The following CSMD2 variants were observed in gnomAD, a reference collection of about 807,000 sequenced individuals.
CSMD2 encodes the protein CUB and Sushi multiple domains 2.
Under a neutral mutation model 398.5 loss-of-function variants are expected in CSMD2, and 130 were observed. The observed-to-expected ratio is 0.33, with a 90% CI of 0.28 to 0.38. CSMD2 has a LOEUF of 0.38. CSMD2 is among the 10% of genes least tolerant of loss of function. The pLI, the probability that CSMD2 is intolerant of heterozygous loss-of-function variation, is 1.00. For synonymous variants in CSMD2, 1,828 were observed against 1,908.5 expected (o/e 0.96, Z 1.10); for missense variants, 3,829 against 4,764.9 (o/e 0.80, Z 5.78).
At chr1:34,035,589 G>A (rs1252982376) in intron 2 of CSMD2, among the ~76,000 whole-genome samples, 1 of 151,902 alleles carries the variant, frequency 6.6e-6, no homozygotes, top group African/African-American at 2.4e-5. Context: ...ATATTAACAG[G>A]TTAAAGGTAG....
intron 1 of CSMD2, among the ~76,000 whole-genome samples, chr1:34,112,640 A>G (rs1466508069): frequency 6.6e-6 from 1 of 152,206 alleles, no homozygotes; most frequent in African/African-American, 2.4e-5. Context: ...CTTGAGAAAA[A>G]TCAAAAGTAT....
chr1:33,667,630 A>G (rs1479667393), intron 25 of CSMD2, among the ~76,000 whole-genome samples: 1 of 152,172 alleles, frequency 6.6e-6, no homozygotes, highest in African/African-American at 2.4e-5. Flanking sequence ...TTTATATGTG[A>G]GTCATACGTA....
At chr1:34,046,764 T>C (rs867103099) in intron 2 of CSMD2, among the ~76,000 whole-genome samples, 3 of 152,218 alleles carry the variant, frequency 2.0e-5, no homozygotes, top group African/African-American at 4.8e-5. Flanking sequence ...TTGTATGCCC[T>C]ATTAAACGCT....
chr1:33,686,554 T>C lies in CSMD2; in HGVS notation c.4052+6376A>G, dbSNP rs563834178. Among the ~76,000 whole-genome samples, 8 of 152,352 alleles carry C rather than the reference T, an allele frequency of 5.3e-5. No individual in the cohort carries two copies. In the South Asian group the frequency reaches 1.5e-3, roughly 28 times the overall value. ...ATCCAGGCAGGACCCATTTTCCAGC[T>C]TGGACCACACCCAAGGGTAAGCCTG... is the stretch of plus-strand genomic sequence containing the variant. On this transcript the variant is annotated intron_variant, in intron 25 of 70. Transcript: ENST00000373381.
chr1:33,534,312 T>C (rs1209368102), intron 62 of CSMD2, among the ~76,000 whole-genome samples: 1 of 152,236 alleles, frequency 6.6e-6, no homozygotes, highest in African/African-American at 2.4e-5. Flanking sequence ...TCAAATGTGA[T>C]GGCGGATTTG....
At chr1:33,787,375 G>T (rs185427431) in intron 12 of CSMD2, among the ~76,000 whole-genome samples, 1 of 152,180 alleles carries the variant, frequency 6.6e-6, no homozygotes, top group Non-Finnish European at 1.5e-5. Flanking sequence ...TACACTGGGG[G>T]TATGCTGTGT....
At chr1:34,102,540 C>T (rs1660055861) in intron 1 of CSMD2, among the ~76,000 whole-genome samples, 1 of 137,412 alleles carries the variant, frequency 7.3e-6, no homozygotes, top group Admixed American at 7.6e-5. Flanking sequence ...TATCTCTTGT[C>T]CCCTCATCCC....
intron 2 of CSMD2, among the ~76,000 whole-genome samples, chr1:34,075,348 C>T (rs1391788263): frequency 6.6e-6 from 1 of 152,230 alleles, no homozygotes; most frequent in Non-Finnish European, 1.5e-5. Flanking sequence ...GTGCAAGGCA[C>T]ACCTTTTAAG....
intron 2 of CSMD2, among the ~76,000 whole-genome samples, chr1:34,083,267 G>T (rs1276816857): frequency 5.3e-5 from 8 of 152,134 alleles, no homozygotes; most frequent in Non-Finnish European, 1.0e-4. Context: ...AACCAGAGAG[G>T]CTGAGATGTA....
At chr1:33,732,238 C>G (rs1247111209) in intron 15 of CSMD2, among the ~76,000 whole-genome samples, 1 of 152,138 alleles carries the variant, frequency 6.6e-6, no homozygotes, top group Non-Finnish European at 1.5e-5. Context: ...GTCCCAGCAC[C>G]TGGTACTCAC....
At chr1:33,943,920 A>G (rs1209706142) in intron 3 of CSMD2, among the ~76,000 whole-genome samples, 1 of 122,502 alleles carries the variant, frequency 8.2e-6, no homozygotes, top group African/African-American at 3.7e-5. Context: ...TATATTAATC[A>G]GAATTACACA....
At chr1:33,563,352 A>G (rs186857240) in intron 53 of CSMD2, among the ~76,000 whole-genome samples, 3 of 152,202 alleles carry the variant, frequency 2.0e-5, no homozygotes, top group South Asian at 4.1e-4. Flanking sequence ...AGACTGGTGG[A>G]GGGATTAACC....
intron 3 of CSMD2, among the ~76,000 whole-genome samples, chr1:33,936,933 G>C (rs1403047966): frequency 6.6e-6 from 1 of 152,196 alleles, no homozygotes; most frequent in African/African-American, 2.4e-5. Flanking sequence ...GTCTCTGAGA[G>C]GCCATGCAGC....
chr1:33,676,339 T>C (rs1411905225), intron 25 of CSMD2, among the ~76,000 whole-genome samples: 1 of 152,180 alleles, frequency 6.6e-6, no homozygotes, highest in Admixed American at 6.5e-5. Context: ...AGCCAAATCA[T>C]GAGTGAACTC....
At chr1:33,592,881 G>A (rs372190038) in intron 44 of CSMD2, among the ~76,000 whole-genome samples, 35 of 151,810 alleles carry the variant, frequency 2.3e-4, no homozygotes, top group African/African-American at 7.0e-4. Context: ...CCTGGGAGGC[G>A]GAGCTTGCAG....
intron 2 of CSMD2, among the ~76,000 whole-genome samples, chr1:34,042,001 G>A (rs913196675): frequency 6.6e-6 from 1 of 152,230 alleles, no homozygotes; most frequent in Non-Finnish European, 1.5e-5. Flanking sequence ...ATACCTGGTT[G>A]AATCTTGGGC....
At chr1:33,536,248 G>A (rs1655766285) in intron 62 of CSMD2, among the ~76,000 whole-genome samples, 1 of 151,900 alleles carries the variant, frequency 6.6e-6, no homozygotes. Flanking sequence ...TTCTGAGACC[G>A]AGTCTCGCTC....
At chr1:33,618,466 A>C (rs1203407528) in intron 37 of CSMD2, among the ~76,000 whole-genome samples, 1 of 152,078 alleles carries the variant, frequency 6.6e-6, no homozygotes, top group Non-Finnish European at 1.5e-5. Flanking sequence ...TGTTCTAAGG[A>C]CTTTCATGAT....
At chr1:33,851,913 C>A (rs573552559) in intron 5 of CSMD2, among the ~76,000 whole-genome samples, 1 of 152,032 alleles carries the variant, frequency 6.6e-6, no homozygotes, top group Admixed American at 6.6e-5. Context: ...GCCCCTCAGC[C>A]TCCCAAGGCT....
Sources: gnomAD v4.1 joint callset for allele counts (sites outside exome capture counted in the v4.1 genomes callset) on GRCh38, gnomAD v4.1.1 for gene constraint, MANE v1.5 for transcripts, NCBI Gene and HGNC (gene_info 2026-07-23, HGNC 2026-07-21) for gene names.